Variants in IMMP2L observed in about 807,000 individuals in gnomAD.
The protein encoded by IMMP2L is mitochondrial inner membrane protease subunit 2.
Under a neutral mutation model 19.3 loss-of-function variants are expected in IMMP2L, and 18 were observed. That is an observed-to-expected ratio of 0.93 (90% CI 0.64 to 1.38). The LOEUF (loss-of-function observed/expected upper bound fraction) is 1.38. Ranked by LOEUF, IMMP2L falls within the 40% of genes most tolerant of loss-of-function variation. The pLI is 0.00. For synonymous variants in IMMP2L, 76 were observed against 73.0 expected (o/e 1.04, Z -0.21); for missense variants, 233 against 218.2 (o/e 1.07, Z -0.43).
intron 3 of IMMP2L, among the ~76,000 whole-genome samples, chr7:111,331,251 AAAG>A (rs1478412038): frequency 5.9e-5 from 9 of 152,106 alleles, no homozygotes; most frequent in African/African-American, 2.2e-4. Flanking sequence ...CAGCCCTTAA[AAAG>A]AAGGATTCTG....
At position 110,768,420 on chromosome 7, in the gene IMMP2L, G is replaced by A. The variant is rs147581329; in HGVS notation, c.409-104699C>T. ...CACTATGCAATTTCAGTTCCATTCT[G>A]TGCACTATGGGAAGCTAGCTACTGG... On this transcript the variant is annotated intron_variant, in intron 5 of 5. Coordinates refer to ENST00000405709, the MANE Select transcript of IMMP2L (RefSeq NM_032549.4). 2.6e-5 allele frequency among the ~76,000 whole-genome samples: 4 copies of A among 152,080 alleles called. No individual in the cohort carries two copies. The East Asian group carries it at 7.8e-4, about 30-fold the overall frequency.
At chr7:110,919,855 G>T (rs1337535760) in intron 4 of IMMP2L, among the ~76,000 whole-genome samples, 1 of 152,084 alleles carries the variant, frequency 6.6e-6, no homozygotes, top group East Asian at 1.9e-4. Context: ...TTGAGTCGGT[G>T]GACTGGGAGA....
At chr7:110,972,238 T>C (rs1820214012) in intron 3 of IMMP2L, among the ~76,000 whole-genome samples, 1 of 152,050 alleles carries the variant, frequency 6.6e-6, no homozygotes, top group South Asian at 2.1e-4. Context: ...AAAACAGCAT[T>C]ACCATTTATT....
chr7:110,879,081 C>G (rs1185064994), intron 5 of IMMP2L, among the ~76,000 whole-genome samples: 1 of 152,066 alleles, frequency 6.6e-6, no homozygotes. Context: ...AATATTTTCA[C>G]TTATGCAGTT....
intron 3 of IMMP2L, among the ~76,000 whole-genome samples, chr7:111,210,323 C>T (rs1298086471): frequency 9.2e-5 from 14 of 152,138 alleles, no homozygotes; most frequent in Admixed American, 6.5e-4. Context: ...AATTATGTGG[C>T]TATCTTTATT....
chr7:111,404,346 A>C (rs141589082), intron 3 of IMMP2L, among the ~76,000 whole-genome samples: 9 of 152,168 alleles, frequency 5.9e-5, no homozygotes, highest in Admixed American at 5.9e-4. Flanking sequence ...ACAATGAAAA[A>C]ATTTTACTTC....
At chr7:110,942,808 T>C (rs770365674) in intron 4 of IMMP2L, among the ~76,000 whole-genome samples, 1 of 151,958 alleles carries the variant, frequency 6.6e-6, no homozygotes, top group East Asian at 1.9e-4. Context: ...AAAAACACTA[T>C]ACTTAATGAT....
chr7:110,852,223 T>TGGAC (rs1806297242), intron 5 of IMMP2L, among the ~76,000 whole-genome samples: 1 of 151,520 alleles, frequency 6.6e-6, no homozygotes. Flanking sequence ...GATGGATGGA[T>TGGAC]GGATGGATGG....
chr7:110,744,477 C>G (rs1047047628), intron 5 of IMMP2L, among the ~76,000 whole-genome samples: 4 of 152,318 alleles, frequency 2.6e-5, no homozygotes, highest in Middle Eastern at 3.4e-3. Flanking sequence ...TAGGAGCCAA[C>G]AGACACCTCA....
At position 111,414,102 on chromosome 7, in the gene IMMP2L, C is replaced by G. The variant is rs1334411445; in HGVS notation, c.239+73136G>C. Among the ~76,000 whole-genome samples, 3 of 151,638 alleles carry G rather than the reference C, an allele frequency of 2.0e-5. No individual in the cohort carries two copies. In the East Asian group the frequency reaches 5.8e-4, roughly 29 times the overall value. On this transcript the variant is annotated intron_variant, in intron 3 of 5. Coordinates refer to ENST00000405709, the MANE Select transcript of IMMP2L (RefSeq NM_032549.4). ...TGAGAATCTTTGCAGTGAACTTGAC[C>G]CCCTCCTCAGGGGCTGGCTCACTTC...
intron 3 of IMMP2L, among the ~76,000 whole-genome samples, chr7:111,459,615 T>G (rs1187748361): frequency 6.6e-6 from 1 of 152,180 alleles, no homozygotes. Flanking sequence ...AAAAGTGGTA[T>G]GTGATACTTC....
At chr7:111,419,222 T>C (rs1220790085) in intron 3 of IMMP2L, among the ~76,000 whole-genome samples, 1 of 151,822 alleles carries the variant, frequency 6.6e-6, no homozygotes, top group Non-Finnish European at 1.5e-5. Flanking sequence ...GAATTATTAA[T>C]TAAAAATGGG....
At chr7:110,726,215 G>A (rs368516086) in intron 5 of IMMP2L, among the ~76,000 whole-genome samples, 9 of 152,266 alleles carry the variant, frequency 5.9e-5, no homozygotes, top group Admixed American at 5.9e-4. Context: ...TGAGATAAAT[G>A]ATTGTGCTAT....
chr7:111,073,796 C>A (rs1023891405), intron 3 of IMMP2L, among the ~76,000 whole-genome samples: 1 of 152,198 alleles, frequency 6.6e-6, no homozygotes, highest in African/African-American at 2.4e-5. Context: ...AACTCTGCCA[C>A]TCAGGAAGAT....
Position 111,226,960 on chromosome 7 carries a change from A to G in IMMP2L, c.239+260278T>C, listed in dbSNP as rs111239809. 3.1e-3 allele frequency among the ~76,000 whole-genome samples: 479 copies of G among 152,266 alleles called. 2 individuals carry two copies. Among genetic ancestry groups the G allele is most frequent in the African/African-American group, 0.011 (454 of 41,550 alleles). On this transcript the variant is annotated intron_variant, in intron 3 of 5. Coordinates refer to ENST00000405709, the MANE Select transcript of IMMP2L (RefSeq NM_032549.4). Reference sequence around the variant, plus strand: ...AATCAGTGGAGAAGACAAGACTGGAAATGCCAGTAAAAAGGGGAAGTGATT... The same window carrying G: ...AATCAGTGGAGAAGACAAGACTGGAGATGCCAGTAAAAAGGGGAAGTGATT...
chr7:111,204,248 T>C (rs1477529707), intron 3 of IMMP2L, among the ~76,000 whole-genome samples: 1 of 152,146 alleles, frequency 6.6e-6, no homozygotes, highest in Non-Finnish European at 1.5e-5. Flanking sequence ...GATGCAAATG[T>C]CTCATGAGAG....
intron 3 of IMMP2L, among the ~76,000 whole-genome samples, chr7:111,126,384 A>G (rs1352822146): frequency 6.6e-6 from 1 of 152,138 alleles, no homozygotes; most frequent in Admixed American, 6.5e-5. Context: ...AATTTCTTTT[A>G]TTTAGCTCAC....
intron 3 of IMMP2L, among the ~76,000 whole-genome samples, chr7:111,239,189 A>C (rs1814699392): frequency 6.6e-6 from 1 of 151,928 alleles, no homozygotes; most frequent in African/African-American, 2.4e-5. Context: ...AACATTAGTT[A>C]ATTTGTTATC....
At chr7:110,991,400 A>G (rs1168847068) in intron 3 of IMMP2L, among the ~76,000 whole-genome samples, 1 of 152,222 alleles carries the variant, frequency 6.6e-6, no homozygotes, top group African/African-American at 2.4e-5. Context: ...ATTTATTATC[A>G]TCATAATGAA....
Sources: allele counts gnomAD v4.1 joint callset (sites outside exome capture counted in the v4.1 genomes callset), GRCh38; gene constraint gnomAD v4.1.1; transcripts MANE v1.5; gene names NCBI Gene and HGNC (gene_info 2026-07-23, HGNC 2026-07-21).